The following CD44 variants were observed in gnomAD, a reference collection of about 807,000 sequenced individuals.
CD44 encodes CD44 molecule (IN blood group), also known as CD44 antigen.
A neutral mutation model predicts 88.8 loss-of-function variants in CD44; 49 were observed. That is an observed-to-expected ratio of 0.55 (90% CI 0.44 to 0.70). The LOEUF is 0.70. CD44 is among the 30% of genes least tolerant of loss of function. The pLI is 0.00. For synonymous variants in CD44, 325 were observed against 312.3 expected, an observed-to-expected ratio of 1.04 and a Z score of -0.43; for missense variants, 883 against 913.8, an observed-to-expected ratio of 0.97 and a Z score of 0.43.
At position 35,214,847 on chromosome 11, in the gene CD44, T is replaced by C. The variant is rs1254087097; in HGVS notation, c.1811-5T>C. 2 of 1,534,170 alleles carry C rather than the reference T, an allele frequency of 1.3e-6. No homozygotes were observed. Among genetic ancestry groups the C allele is most frequent in the Non-Finnish European group, 1.8e-6 (2 of 1,137,908 alleles). The stretch of plus-strand genomic sequence containing the variant: ...AGTACTGACCTTCCTGATTGCTCAT[T>C]ACAGGAGACCAAGACACATTCCACC... On this transcript the variant is annotated splice_polypyrimidine_tract_variant and splice_region_variant and intron_variant, in intron 14 of 17. Transcript: ENST00000428726.
chr11:35,157,532 T>C (rs1942064470), intron 1 of CD44, among the ~76,000 whole-genome samples: 1 of 152,194 alleles, frequency 6.6e-6, no homozygotes, highest in Non-Finnish European at 1.5e-5. Context: ...CTATCATCTA[T>C]CTATATCTAT....
At chr11:35,212,110 T>C (rs1029226965) in intron 14 of CD44, among the ~76,000 whole-genome samples, 3 of 152,164 alleles carry the variant, frequency 2.0e-5, no homozygotes, top group Non-Finnish European at 4.4e-5. Context: ...GGACCTAGAA[T>C]AAGTCTTTTT....
rs1208309663 is a variant in CD44, at chr11:35,230,214, TG to T, written c.*882del. 2.4e-5 allele frequency: 3 copies of T among 124,414 alleles called. No individual in the cohort carries two copies. Among genetic ancestry groups the T allele is most frequent in the African/African-American group, 1.0e-4 (3 of 29,212 alleles). The allele number at this position is 124,414 out of a possible 1,614,324, so 7.7% of individuals were successfully genotyped here. ...GGAGGGCAGCACTGTTTTTGTTTTTTGTTTTTTGTTTTTTTTTTTTGACACT... is the reference window on the plus strand; with the variant it reads ...GGAGGGCAGCACTGTTTTTGTTTTTTTTTTTTGTTTTTTTTTTTTGACACT... On this transcript the variant is annotated 3_prime_UTR_variant, in exon 18 of 18. Coordinates refer to ENST00000428726, the MANE Select transcript of CD44 (RefSeq NM_000610.4).
intron 1 of CD44, among the ~76,000 whole-genome samples, chr11:35,160,359 G>T (rs966009885): frequency 3.9e-5 from 6 of 152,182 alleles, no homozygotes; most frequent in African/African-American, 1.4e-4. Flanking sequence ...CGTTTATTTG[G>T]TGTATTCTGA....
intron 14 of CD44, among the ~76,000 whole-genome samples, chr11:35,214,414 C>T (rs1403454707): frequency 6.6e-6 from 1 of 152,152 alleles, no homozygotes; most frequent in East Asian, 1.9e-4. Context: ...TGCCCTAAGC[C>T]AGAGTATGCC....
intron 3 of CD44, among the ~76,000 whole-genome samples, chr11:35,180,890 A>C (rs1391028089): frequency 6.6e-6 from 1 of 152,194 alleles, no homozygotes; most frequent in East Asian, 1.9e-4. Flanking sequence ...ATAAAAAAGA[A>C]AGCAAAATAC....
intron 17 of CD44, among the ~76,000 whole-genome samples, chr11:35,224,200 C>A (rs915711996): frequency 6.6e-6 from 1 of 152,164 alleles, no homozygotes; most frequent in Admixed American, 6.5e-5. Flanking sequence ...ATGAAGTGAT[C>A]TGTGAGTCAC....
At chr11:35,187,918 T>G (rs1945854345) in intron 4 of CD44, among the ~76,000 whole-genome samples, 1 of 152,234 alleles carries the variant, frequency 6.6e-6, no homozygotes, top group Non-Finnish European at 1.5e-5. Flanking sequence ...TTGTCCAGGC[T>G]GGTCTTGAAC....
At chr11:35,152,663 G>C (rs1860569552) in intron 1 of CD44, among the ~76,000 whole-genome samples, 1 of 152,072 alleles carries the variant, frequency 6.6e-6, no homozygotes, top group Non-Finnish European at 1.5e-5. Context: ...TCCTGTTGCT[G>C]GTTGACCCCA....
At chr11:35,147,146 A>T (rs1306824015) in intron 1 of CD44, among the ~76,000 whole-genome samples, 2 of 152,220 alleles carry the variant, frequency 1.3e-5, no homozygotes, top group African/African-American at 4.8e-5. Flanking sequence ...ATGAAAGGTA[A>T]AGGTGGCTGA....
rs565642809 is a variant in CD44, at chr11:35,210,642, T to G, written c.1606+588T>G. On this transcript the variant is annotated intron_variant, in intron 13 of 17. Coordinates refer to ENST00000428726, the MANE Select transcript of CD44 (RefSeq NM_000610.4). ...GTCCAATAGACTGTTTGCTATGATT[T>G]CAGTTCTTTTGCAGTGTGATTTATA... The G allele has an allele frequency of 2.0e-5, 3 of 153,102 alleles. No homozygotes were observed. The South Asian group carries it at 6.2e-4, about 31-fold the overall frequency. 9.5% of individuals were successfully genotyped at this position (153,102 alleles called of 1,614,324 possible). A position where few individuals can be genotyped will look rare whatever the true frequency, so the allele number is the denominator to read the frequency against.
rs1319456299 is a variant in CD44, at chr11:35,198,227, A to T, written c.903A>T (p.Glu301Asp). Residue 301 changes from glutamate to aspartate, a missense_variant, in exon 7 of 18, where the codon GAA (glutamate) becomes GAT (aspartate). By Grantham distance (45) the Glu-to-Asp change is conservative. Coordinates refer to ENST00000428726, the MANE Select transcript of CD44 (RefSeq NM_000610.4). ...SFSGSGIDDD[E>D]DFISSTISTT... ...CTGGATCAGGCATTGATGATGATGA[A>T]GATTTTATCTCCAGCACCAGTAAGA... 6.2e-7 allele frequency: 1 copy of T among 1,613,950 alleles called. No individual in the cohort carries two copies.
At chr11:35,188,961 G>A (rs1053977598) in intron 4 of CD44, among the ~76,000 whole-genome samples, 2 of 151,876 alleles carry the variant, frequency 1.3e-5, no homozygotes, top group African/African-American at 2.4e-5. Flanking sequence ...AGTTTCATTT[G>A]AGCAAGCTAA....
chr11:35,226,880 C>CTTTTTTTTTTTTT (rs367551052), intron 17 of CD44, among the ~76,000 whole-genome samples: 2 of 106,212 alleles, frequency 1.9e-5, no homozygotes, highest in African/African-American at 4.1e-5. Flanking sequence ...TTCTTTTTTC[C>CTTTTTTTTTTTTT]TTTTTTTTTT....
At chr11:35,178,494 G>A (rs576990669) in intron 2 of CD44, among the ~76,000 whole-genome samples, 1 of 152,204 alleles carries the variant, frequency 6.6e-6, no homozygotes, top group Non-Finnish European at 1.5e-5. Context: ...CTCAGCCCAG[G>A]ACAGGATTTT....
At position 35,170,477 on chromosome 11, in the gene CD44, A is replaced by G. The variant is rs539933423; in HGVS notation, c.68-6098A>G. Among the ~76,000 whole-genome samples, 4 of 152,268 alleles carry G rather than the reference A, an allele frequency of 2.6e-5. No homozygotes were observed. In the South Asian group the frequency reaches 8.3e-4, roughly 32 times the overall value. ...TGCTGCCCACAGCCCTATAGTAATG[A>G]GCGTGCTAAAGGCCTGGTGGCATTT... On this transcript the variant is annotated intron_variant, in intron 1 of 17. Transcript: ENST00000428726.
chr11:35,167,331 C>T (rs752573797), intron 1 of CD44, among the ~76,000 whole-genome samples: 13 of 152,002 alleles, frequency 8.6e-5, no homozygotes, highest in Non-Finnish European at 1.6e-4. Flanking sequence ...GGACCATACT[C>T]GGCTATCCTT....
At chr11:35,208,865 G>T (rs138720553) in intron 12 of CD44, among the ~76,000 whole-genome samples, 56 of 152,254 alleles carry the variant, frequency 3.7e-4, no homozygotes, top group African/African-American at 1.3e-3. Flanking sequence ...AAGAAATCTA[G>T]AATTAAGAAG....
chr11:35,148,930 T>C (rs1019443842), intron 1 of CD44, among the ~76,000 whole-genome samples: 3 of 152,240 alleles, frequency 2.0e-5, no homozygotes, highest in African/African-American at 7.2e-5. Context: ...TTGCTACTTG[T>C]AGCGATCCTC....
Sources: allele counts gnomAD v4.1 joint callset (sites outside exome capture counted in the v4.1 genomes callset), GRCh38; gene constraint gnomAD v4.1.1; transcripts MANE v1.5; gene names NCBI Gene and HGNC (gene_info 2026-07-23, HGNC 2026-07-21).